RARB: variants seen among roughly 807,000 people sequenced by gnomAD.
The protein encoded by RARB is HBV-activated protein.
In RARB, 17 loss-of-function variants were observed where a neutral mutation model predicts 51.9. The observed-to-expected ratio is 0.33, with a 90% confidence interval of 0.22 to 0.49. The LOEUF (loss-of-function observed/expected upper bound fraction) is 0.49, where lower values mean the gene tolerates loss of function less well. Ranked by LOEUF, RARB falls within the 20% of genes least tolerant of loss-of-function variation. The pLI is 0.99. For synonymous variants in RARB, 215 were observed against 195.4 expected (o/e 1.10, Z -0.84); for missense variants, 369 against 550.8 (o/e 0.67, Z 3.30).
At chr3:25,116,497 G>T (rs1353183635) in intron 3 of RARB, among the ~76,000 whole-genome samples, 2 of 152,042 alleles carry the variant, frequency 1.3e-5, no homozygotes, top group Non-Finnish European at 2.9e-5. Flanking sequence ...TCCATCCTCG[G>T]TCTACTTAAT....
At chr3:24,941,766 C>T (rs1182367624) in intron 2 of RARB, among the ~76,000 whole-genome samples, 1 of 152,188 alleles carries the variant, frequency 6.6e-6, no homozygotes, top group Non-Finnish European at 1.5e-5. Context: ...ACTTCATTCA[C>T]TAACATTTTA....
At chr3:25,292,651 T>A (rs1285655116) in intron 5 of RARB, among the ~76,000 whole-genome samples, 2 of 152,194 alleles carry the variant, frequency 1.3e-5, no homozygotes, top group Admixed American at 6.5e-5. Context: ...CTCTTTAGCT[T>A]TCTTAATCCT....
At position 25,207,404 on chromosome 3, in the gene RARB, G is replaced by T. The variant is rs1036896454; in HGVS notation, c.178+32829G>T. Reference sequence around the variant, plus strand: ...TCCCAAGGAAACACAGCTTGTTTGGGACATGTAGTCACATCTTATCTTTCC... The same window carrying T: ...TCCCAAGGAAACACAGCTTGTTTGGTACATGTAGTCACATCTTATCTTTCC... On this transcript the variant is annotated intron_variant, in intron 5 of 11. Transcript: ENST00000383772. Among the ~76,000 whole-genome samples, 11 of 152,254 alleles carry T rather than the reference G, an allele frequency of 7.2e-5. 1 individual carries two copies. In the South Asian group the frequency reaches 2.1e-3, roughly 29 times the overall value.
chr3:24,928,121 G>A (rs963363233), intron 2 of RARB, among the ~76,000 whole-genome samples: 1 of 151,998 alleles, frequency 6.6e-6, no homozygotes, highest in Admixed American at 6.6e-5. Flanking sequence ...AATTCACATG[G>A]TAGAATTTTG....
chr3:25,185,945 G>A (rs1312568188), intron 5 of RARB, among the ~76,000 whole-genome samples: 1 of 152,038 alleles, frequency 6.6e-6, no homozygotes, highest in Non-Finnish European at 1.5e-5. Flanking sequence ...CAGTTTTTCT[G>A]TCTTCACTTT....
chr3:25,130,134 A>T (rs2062483), intron 3 of RARB, among the ~76,000 whole-genome samples: 3 of 151,784 alleles, frequency 2.0e-5, no homozygotes, highest in East Asian at 1.9e-4. Context: ...GGAACATGAC[A>T]GGCCTCTTTT....
chr3:25,134,070 G>C (rs1188989872), intron 4 of RARB, among the ~76,000 whole-genome samples: 7 of 150,198 alleles, frequency 4.7e-5, no homozygotes, highest in Non-Finnish European at 8.9e-5. Flanking sequence ...TTTCTGTTTA[G>C]TTCCAAAGTT....
chr3:25,555,364 T>C (rs560548944), intron 3 of RARB, among the ~76,000 whole-genome samples: 34 of 152,182 alleles, frequency 2.2e-4, no homozygotes, highest in Non-Finnish European at 4.7e-4. Context: ...CCTGCGTTGT[T>C]TTTCTTCATA....
At chr3:25,541,693 A>T (rs1699388151) in intron 3 of RARB, among the ~76,000 whole-genome samples, 1 of 152,204 alleles carries the variant, frequency 6.6e-6, no homozygotes, top group Non-Finnish European at 1.5e-5. Flanking sequence ...TTTCTAGTCC[A>T]TTGGCCCCAA....
chr3:25,065,938 T>G (rs1243271679), intron 3 of RARB, among the ~76,000 whole-genome samples: 1 of 152,198 alleles, frequency 6.6e-6, no homozygotes, highest in African/African-American at 2.4e-5. Context: ...GAAGATTTTT[T>G]TTTTAAAGAA....
intron 3 of RARB, among the ~76,000 whole-genome samples, chr3:25,113,757 G>A (rs1264037356): frequency 6.6e-6 from 1 of 152,130 alleles, no homozygotes; most frequent in East Asian, 1.9e-4. Context: ...ATGGTAGGTA[G>A]AAAGCAGTTC....
At chr3:25,447,890 G>A (rs1328305855) in intron 1 of RARB, among the ~76,000 whole-genome samples, 1 of 152,116 alleles carries the variant, frequency 6.6e-6, no homozygotes, top group Non-Finnish European at 1.5e-5. Flanking sequence ...ACCAAATCAA[G>A]ATGGGGAAAG....
At chr3:24,951,036 C>A (rs544479715) in intron 2 of RARB, among the ~76,000 whole-genome samples, 10 of 152,166 alleles carry the variant, frequency 6.6e-5, no homozygotes, top group Admixed American at 2.6e-4. Context: ...AAGAGCAGGG[C>A]AAGCTAGTAG....
intron 1 of RARB, among the ~76,000 whole-genome samples, chr3:24,847,171 C>T (rs187341454): frequency 1.6e-4 from 25 of 152,274 alleles, no homozygotes; most frequent in Admixed American, 6.5e-4. Context: ...GGGAACCAGC[C>T]GTCTGTGCTT....
At position 25,394,622 on chromosome 3, in the gene RARB, T is replaced by G. The variant is rs572112722; in HGVS notation, c.179-66571T>G. On this transcript the variant is annotated intron_variant, in intron 5 of 11. Transcript: ENST00000383772. ...TATATTTAGGATTGTGATATTTTCC[T>G]ATGGAAGTAATCTTTTTATAATTAT... Among the ~76,000 whole-genome samples the G allele has an allele frequency of 3.5e-4, 53 of 152,304 alleles. No homozygotes were observed. The South Asian group carries it at 0.011, about 32-fold the overall frequency.
chr3:25,470,188 A>T (rs951149923), intron 2 of RARB, among the ~76,000 whole-genome samples: 1 of 152,208 alleles, frequency 6.6e-6, no homozygotes, highest in African/African-American at 2.4e-5. Flanking sequence ...GCCTAATTAG[A>T]TAAGCTAGTA....
At chr3:25,233,231 T>C (rs960276133) in intron 5 of RARB, among the ~76,000 whole-genome samples, 5 of 152,102 alleles carry the variant, frequency 3.3e-5, no homozygotes, top group Non-Finnish European at 7.4e-5. Context: ...AGTGCTAGGA[T>C]TACAGGTGCG....
intron 2 of RARB, among the ~76,000 whole-genome samples, chr3:24,868,800 G>T (rs1336876332): frequency 6.6e-6 from 1 of 152,096 alleles, no homozygotes. Context: ...TGAATCAATT[G>T]CTAACAGAAA....
intron 4 of RARB, among the ~76,000 whole-genome samples, chr3:25,146,262 A>G (rs75996135): frequency 6.6e-6 from 1 of 152,184 alleles, no homozygotes; most frequent in Admixed American, 6.5e-5. Flanking sequence ...TAAATGTTCA[A>G]TTAGTTCAGA....
Sources: gnomAD v4.1 joint callset for allele counts (sites outside exome capture counted in the v4.1 genomes callset) on GRCh38, gnomAD v4.1.1 for gene constraint, MANE v1.5 for transcripts, NCBI Gene and HGNC (gene_info 2026-07-23, HGNC 2026-07-21) for gene names.